AGTPBP1: variants seen among roughly 807,000 people sequenced by gnomAD.
AGTPBP1 encodes the protein ATP/GTP binding carboxypeptidase 1.
A neutral mutation model predicts 143.9 loss-of-function variants in AGTPBP1; 70 were observed. The observed-to-expected ratio is 0.49, with a 90% CI of 0.40 to 0.59. The LOEUF (loss-of-function observed/expected upper bound fraction) is 0.59. Among genes scored for constraint, AGTPBP1 ranks in the 20% least tolerant of loss-of-function variants. AGTPBP1 has a pLI of 0.00. For missense variants in AGTPBP1, 1,229 were observed against 1,464.5 expected (o/e 0.84, Z 2.62); for synonymous variants, 463 against 500.2 (o/e 0.93, Z 0.99).
intron 1 of AGTPBP1, chr9:85,741,423 G>T: frequency 4.1e-6 from 4 of 985,224 alleles, no homozygotes; most frequent in South Asian, 4.7e-5. Flanking sequence ...GCGGCGCCGC[G>T]AGCTCGGGCC....
chr9:85,790,465 A>T, the AGTPBP1 span, among the ~76,000 whole-genome samples: 3 of 152,162 alleles, frequency 2.0e-5, no homozygotes, highest in Admixed American at 2.0e-4. Context: ...AAAGCATCAA[A>T]CACTGGAATA....
At chr9:85,805,048 G>A in the AGTPBP1 span, among the ~76,000 whole-genome samples, 1 of 152,172 alleles carries the variant, frequency 6.6e-6, no homozygotes, top group African/African-American at 2.4e-5. Context: ...CGCTTGAGGA[G>A]AGCCCTTCTC....
At chr9:85,749,390 C>T in the AGTPBP1 span, among the ~76,000 whole-genome samples, 1 of 152,158 alleles carries the variant, frequency 6.6e-6, no homozygotes, top group Non-Finnish European at 1.5e-5. Context: ...AAGGAACAGA[C>T]TTTCCCAAAG....
In AGTPBP1 at chr9:85,741,949, G is replaced by C. The variant is rs527273052; in HGVS notation, c.-208C>G. 0.018 allele frequency: 23,481 copies of C among 1,279,950 alleles called. 252 individuals are homozygous for C. The highest frequency in any genetic ancestry group is 0.021 in the Non-Finnish European group (21,197 of 1,017,128). 79.3% of individuals were successfully genotyped at this position (1,279,950 alleles called of 1,614,324 possible). ...TGCGGCGGCGGCGCTGGAGGCGGCG[G>C]AACCTGTCCGCATCCCGGGCAACGT... is the stretch of plus-strand genomic sequence containing the variant. On this transcript the variant is annotated 5_prime_UTR_variant, in exon 1 of 26. Coordinates refer to ENST00000357081, the MANE Select transcript of AGTPBP1 (RefSeq NM_001330701.2).
chr9:85,597,259 C>T (rs1829356858), intron 17 of AGTPBP1, among the ~76,000 whole-genome samples: 1 of 151,308 alleles, frequency 6.6e-6, no homozygotes, highest in Admixed American at 6.6e-5. Context: ...TTGTATTTAT[C>T]TTAATATTCA....
At chr9:85,605,448 C>G (rs12238071) in intron 17 of AGTPBP1, among the ~76,000 whole-genome samples, 1 of 152,144 alleles carries the variant, frequency 6.6e-6, no homozygotes, top group Non-Finnish European at 1.5e-5. Flanking sequence ...CAAAAAAAAG[C>G]TGAGGGAATT....
At position 85,642,894 on chromosome 9, in the gene AGTPBP1, G is replaced by A. The variant is rs760671758; in HGVS notation, c.1235C>T (p.Pro412Leu). The A allele has an allele frequency of 2.5e-6, 4 of 1,613,182 alleles. No homozygotes were observed. Among genetic ancestry groups the A allele is most frequent in the African/African-American group, 1.3e-5 (1 of 74,830 alleles). ...TTTTAGATCTTCTATTGTTCGTCCC[G>A]GTTCTTGCTGGGGTTTTAGTTTGTT... ...DINKLKPQQE[P>L]GRTIEDLKMY... Residue 412 changes from proline to leucine, a missense_variant, in exon 13 of 26, where the codon CCG (proline) becomes CTG (leucine). Pro to Leu is a moderately conservative substitution (Grantham distance 98). Coordinates refer to ENST00000357081, the MANE Select transcript of AGTPBP1 (RefSeq NM_001330701.2).
At chr9:85,604,258 C>G (rs1301719835) in intron 17 of AGTPBP1, among the ~76,000 whole-genome samples, 1 of 152,196 alleles carries the variant, frequency 6.6e-6, no homozygotes, top group African/African-American at 2.4e-5. Flanking sequence ...TAGCTCCAGG[C>G]AACTCAGCAC....
intron 4 of AGTPBP1, among the ~76,000 whole-genome samples, chr9:85,678,881 G>A (rs915110727): frequency 6.6e-6 from 1 of 152,102 alleles, no homozygotes; most frequent in African/African-American, 2.4e-5. Flanking sequence ...GTACTATTTT[G>A]CACCTTGATA....
intron 25 of AGTPBP1, among the ~76,000 whole-genome samples, chr9:85,558,362 T>C (rs1466276147): frequency 6.6e-6 from 1 of 152,066 alleles, no homozygotes; most frequent in Non-Finnish European, 1.5e-5. Flanking sequence ...AGGGTCTCCT[T>C]TGGGGGTGAT....
chr9:85,626,428 A>G (rs1029098525), intron 14 of AGTPBP1, among the ~76,000 whole-genome samples: 4 of 152,184 alleles, frequency 2.6e-5, no homozygotes, highest in African/African-American at 9.7e-5. Flanking sequence ...ATTAATTTTG[A>G]CATCATTCAT....
chr9:85,752,162 C>T, the AGTPBP1 span, among the ~76,000 whole-genome samples: 2 of 151,888 alleles, frequency 1.3e-5, no homozygotes, highest in East Asian at 1.9e-4. Context: ...ACTTGAAACC[C>T]GGGAGGCGGA....
the AGTPBP1 span, chr9:85,786,013 A>G: frequency 3.0e-6 from 3 of 984,674 alleles, no homozygotes; most frequent in Non-Finnish European, 4.6e-6. Context: ...TTGGGTGATA[A>G]TAATGTATTT....
chr9:85,701,410 A>T lies in AGTPBP1; in HGVS notation c.33-8597T>A, dbSNP rs547052633. ...ATGCCCAGCTAATTTTTGTATTTCT[A>T]GTAGAGACAGGGTTTCACCATGTTA... is the stretch of plus-strand genomic sequence containing the variant. On this transcript the variant is annotated intron_variant, in intron 2 of 25. Transcript: ENST00000357081. Among the ~76,000 whole-genome samples, 3 of 151,200 alleles carry T rather than the reference A, an allele frequency of 2.0e-5. No individual in the cohort carries two copies. The East Asian group carries it at 5.9e-4, about 30-fold the overall frequency.
chr9:85,616,962 T>G (rs1432564481), intron 17 of AGTPBP1, among the ~76,000 whole-genome samples: 1 of 152,062 alleles, frequency 6.6e-6, no homozygotes, highest in African/African-American at 2.4e-5. Context: ...ATTAGTTACT[T>G]AAGCCATTTA....
chr9:85,589,393 A>G (rs1283552457), intron 20 of AGTPBP1, 135 bp downstream of exon 20: 1 of 1,154,816 alleles, frequency 8.7e-7, no homozygotes. Context: ...GGCTAGCTAG[A>G]TAATAGCAGG....
At chr9:85,683,150 T>C (rs1587894124) in intron 3 of AGTPBP1, among the ~76,000 whole-genome samples, 1 of 152,300 alleles carries the variant, frequency 6.6e-6, no homozygotes. Flanking sequence ...ACATTGTTAA[T>C]GCTTAAAAGA....
the AGTPBP1 span, among the ~76,000 whole-genome samples, chr9:85,771,631 G>T: frequency 6.6e-6 from 1 of 151,794 alleles, no homozygotes; most frequent in Admixed American, 6.6e-5. Flanking sequence ...GAAAGATGGT[G>T]GAGTGCTTTG....
intron 10 of AGTPBP1, among the ~76,000 whole-genome samples, chr9:85,655,694 CAA>C (rs11366562): frequency 1.4e-4 from 21 of 148,644 alleles, no homozygotes; most frequent in African/African-American, 4.2e-4. Context: ...AATTAAAAAA[CAA>C]AAAAAAAAAC....
Sources: allele counts gnomAD v4.1 joint callset (sites outside exome capture counted in the v4.1 genomes callset), GRCh38; gene constraint gnomAD v4.1.1; transcripts MANE v1.5; gene names NCBI Gene and HGNC (gene_info 2026-07-23, HGNC 2026-07-21).